CCSER1: variants seen among roughly 807,000 people sequenced by gnomAD.
The protein encoded by CCSER1 is coiled-coil serine rich protein 1.
In CCSER1, 41 loss-of-function variants were observed where a neutral mutation model predicts 82.0. That is an observed-to-expected ratio of 0.50 (90% CI 0.39 to 0.65). CCSER1 has a LOEUF of 0.65. Among genes scored for constraint, CCSER1 ranks in the 30% least tolerant of loss-of-function variants. The pLI is 0.00. For missense variants in CCSER1, 1,119 were observed against 1,064.2 expected, an observed-to-expected ratio of 1.05 and a Z score of -0.72; for synonymous variants, 414 against 383.9, an observed-to-expected ratio of 1.08 and a Z score of -0.92.
intron 9 of CCSER1, among the ~76,000 whole-genome samples, chr4:90,957,222 C>A (rs1175909350): frequency 7.2e-6 from 1 of 139,682 alleles, no homozygotes; most frequent in African/African-American, 2.6e-5. Flanking sequence ...CTGCCTCAGC[C>A]TCCCGACTAC....
At chr4:90,847,834 G>A (rs1398492021) in intron 8 of CCSER1, among the ~76,000 whole-genome samples, 1 of 151,930 alleles carries the variant, frequency 6.6e-6, no homozygotes, top group East Asian at 1.9e-4. Context: ...TTTGATTGCT[G>A]TTTTACTTTT....
chr4:90,156,558 T>C (rs1342746245), intron 1 of CCSER1, among the ~76,000 whole-genome samples: 2 of 152,222 alleles, frequency 1.3e-5, no homozygotes, highest in Non-Finnish European at 2.9e-5. Flanking sequence ...TGGGTGCTCC[T>C]GTATTGGGTG....
intron 8 of CCSER1, among the ~76,000 whole-genome samples, chr4:90,830,833 A>G (rs539591411): frequency 3.3e-5 from 5 of 152,274 alleles, no homozygotes; most frequent in South Asian, 2.1e-4. Context: ...CTAAATTACT[A>G]TTTAAAAAGT....
At chr4:90,487,516 A>C (rs1269795599) in intron 5 of CCSER1, among the ~76,000 whole-genome samples, 1 of 152,236 alleles carries the variant, frequency 6.6e-6, no homozygotes, top group African/African-American at 2.4e-5. Flanking sequence ...AAATTTGATG[A>C]AAGCAGGGAT....
At chr4:90,893,079 A>T (rs1421572546) in intron 8 of CCSER1, among the ~76,000 whole-genome samples, 1 of 152,030 alleles carries the variant, frequency 6.6e-6, no homozygotes, top group Non-Finnish European at 1.5e-5. Context: ...TCTGTGCAAT[A>T]TTGGCTTTTT....
intron 10 of CCSER1, among the ~76,000 whole-genome samples, chr4:91,097,636 T>C (rs62312185): frequency 0.064 from 9,804 of 152,234 alleles, 379 homozygotes; most frequent in Middle Eastern, 0.085. Flanking sequence ...AGAAATATGA[T>C]CAATAACTTT....
At chr4:90,821,513 C>T (rs911572052) in intron 8 of CCSER1, among the ~76,000 whole-genome samples, 1 of 151,940 alleles carries the variant, frequency 6.6e-6, no homozygotes, top group Non-Finnish European at 1.5e-5. Flanking sequence ...ATATATTGGA[C>T]TTTTTGAATA....
At chr4:91,027,581 T>G (rs1314602623) in intron 9 of CCSER1, among the ~76,000 whole-genome samples, 1 of 152,040 alleles carries the variant, frequency 6.6e-6, no homozygotes, top group Non-Finnish European at 1.5e-5. Flanking sequence ...TTGGGCTACC[T>G]GTCATTCTCA....
intron 4 of CCSER1, among the ~76,000 whole-genome samples, chr4:90,400,809 A>G (rs1052862645): frequency 2.0e-5 from 3 of 152,186 alleles, no homozygotes; most frequent in Non-Finnish European, 2.9e-5. Context: ...TCAAATTTAG[A>G]TATTTGACAG....
chr4:91,182,274 G>C (rs572989965), intron 10 of CCSER1, among the ~76,000 whole-genome samples: 1 of 152,088 alleles, frequency 6.6e-6, no homozygotes, highest in African/African-American at 2.4e-5. Context: ...GTTGATTTTG[G>C]CCTGGAGAAA....
intron 10 of CCSER1, among the ~76,000 whole-genome samples, chr4:91,500,592 T>C (rs1759154260): frequency 6.6e-6 from 1 of 152,032 alleles, no homozygotes; most frequent in Non-Finnish European, 1.5e-5. Flanking sequence ...AAAATATCTT[T>C]TGCTTTGAAC....
chr4:90,751,169 A>G lies in CCSER1; in HGVS notation c.2010+27178A>G, dbSNP rs1005714453. Among the ~76,000 whole-genome samples the G allele has an allele frequency of 9.9e-5, 15 of 152,252 alleles. No individual in the cohort carries two copies. In the East Asian group the frequency reaches 1.7e-3, roughly 18 times the overall value. On this transcript the variant is annotated intron_variant, in intron 7 of 10. Coordinates refer to ENST00000509176, the MANE Select transcript of CCSER1 (RefSeq NM_001145065.2). ...TAAACTACACATATAAAAAAGTAAG[A>G]CATTGCCATAAGCCCCATGGTTTAA... is the stretch of plus-strand genomic sequence containing the variant.
At chr4:91,247,933 A>C (rs180929872) in intron 10 of CCSER1, among the ~76,000 whole-genome samples, 31 of 152,250 alleles carry the variant, frequency 2.0e-4, no homozygotes, top group African/African-American at 7.5e-4. Context: ...TCCTTGGATA[A>C]ATGTCTGATT....
intron 10 of CCSER1, among the ~76,000 whole-genome samples, chr4:91,162,508 C>A (rs889505529): frequency 6.6e-6 from 1 of 152,096 alleles, no homozygotes; most frequent in African/African-American, 2.4e-5. Context: ...AGGAATGGTA[C>A]CAGCTCCTCC....
chr4:90,910,735 G>A (rs1726204546), intron 8 of CCSER1, among the ~76,000 whole-genome samples: 1 of 152,124 alleles, frequency 6.6e-6, no homozygotes. Context: ...TGTGTTTAGA[G>A]TCTTGACCCA....
chr4:90,707,541 A>G (rs991265490), intron 6 of CCSER1, among the ~76,000 whole-genome samples: 2 of 109,380 alleles, frequency 1.8e-5, no homozygotes, highest in Non-Finnish European at 3.8e-5. Flanking sequence ...AAAAAAAAAT[A>G]TATATATATA....
intron 5 of CCSER1, among the ~76,000 whole-genome samples, chr4:90,568,235 T>TGATC (rs1779636504): frequency 6.6e-6 from 1 of 152,218 alleles, no homozygotes; most frequent in African/African-American, 2.4e-5. Flanking sequence ...TCTGTCTGGA[T>TGATC]GATCTGTTTA....
At chr4:91,173,507 T>C (rs1732981180) in intron 10 of CCSER1, among the ~76,000 whole-genome samples, 1 of 150,852 alleles carries the variant, frequency 6.6e-6, no homozygotes, top group Non-Finnish European at 1.5e-5. Context: ...GGCAGGAGAA[T>C]TGCTTGAACC....
chr4:90,781,741 G>A (rs1018612516), intron 7 of CCSER1: 23 of 968,638 alleles, frequency 2.4e-5, no homozygotes, highest in Non-Finnish European at 2.8e-5. Flanking sequence ...TTGTTTGCAA[G>A]TATGAAAACC....
Sources: gnomAD v4.1 joint callset for allele counts (sites outside exome capture counted in the v4.1 genomes callset) on GRCh38, gnomAD v4.1.1 for gene constraint, MANE v1.5 for transcripts, NCBI Gene and HGNC (gene_info 2026-07-23, HGNC 2026-07-21) for gene names.